The following NUDCD2 variants were observed in gnomAD, a reference collection of about 807,000 sequenced individuals.
The protein encoded by NUDCD2 is NudC domain containing 2.
Under a neutral mutation model 20.8 loss-of-function variants are expected in NUDCD2, and 16 were observed. That is an observed-to-expected ratio of 0.77 (90% CI 0.52 to 1.17). The LOEUF (loss-of-function observed/expected upper bound fraction) is 1.17. Ranked by LOEUF, NUDCD2 falls within the 50% of genes most tolerant of loss-of-function variation. The pLI is 0.00. For missense variants in NUDCD2, 199 were observed against 193.9 expected, an observed-to-expected ratio of 1.03 and a Z score of -0.16; for synonymous variants, 87 against 72.8, an observed-to-expected ratio of 1.20 and a Z score of -1.00.
rs1460211103 is a variant in NUDCD2 at position 163,447,442 on chromosome 5, C to T, written c.*6525G>A. 2 of 87,852 alleles carry T rather than the reference C, an allele frequency of 2.3e-5. No individual in the cohort carries two copies. Among genetic ancestry groups the T allele is most frequent in the South Asian group, 5.3e-4 (1 of 1,870 alleles). 5.4% of individuals were successfully genotyped at this position (87,852 alleles called of 1,614,324 possible). A position where few individuals can be genotyped will look rare whatever the true frequency, so the allele number is the denominator to read the frequency against. Reference sequence around the variant, plus strand: ...CTCCAGCCTGAGTGACAGGGTAAGACTCAAAAAAAAAAAAAAAAACATGAA... The same window carrying T: ...CTCCAGCCTGAGTGACAGGGTAAGATTCAAAAAAAAAAAAAAAAACATGAA... On this transcript the variant is annotated 3_prime_UTR_variant, in exon 4 of 4. Transcript: ENST00000302764.
intron 1 of NUDCD2, chr5:163,459,613 G>T: frequency 6.0e-6 from 2 of 333,470 alleles, no homozygotes; most frequent in Non-Finnish European, 1.1e-5. Flanking sequence ...GCTGAAGCCC[G>T]TCAGAGAAGC....
intron 1 of NUDCD2, 60 bp from the exon 2 acceptor site, chr5:163,457,670 T>G (rs536141433): frequency 9.2e-7 from 1 of 1,085,630 alleles, no homozygotes; most frequent in East Asian, 2.4e-5. Flanking sequence ...AAAGTTTTCA[T>G]GATTAAGATT....
rs1162021862 is a variant in NUDCD2, at chr5:163,459,927, C to G, written c.124G>C (p.Asp42His). The change falls in exon 1 of 4, where the codon GAT becomes CAT. Residue 42 changes from aspartate to histidine, a missense_variant. By Grantham distance (81) the Asp-to-His change is moderately conservative (BLOSUM62 -1). Coordinates refer to ENST00000302764, the MANE Select transcript of NUDCD2 (RefSeq NM_145266.6). ...VQVPPGTRAQ[D>H]IQCGLQSRHV... ...CGGCTCTGGAGGCCGCACTGGATAT[C>G]CTGGGCGCGCGTGCCTGGCGGCACC... The G allele has an allele frequency of 3.1e-6, 5 of 1,613,308 alleles. No individual in the cohort carries two copies. The highest frequency in any genetic ancestry group is 1.3e-5 in the African/African-American group (1 of 74,920).
Position 163,452,724 on chromosome 5 carries a change from ACTTCTATCACAT to A in NUDCD2, c.*1231_*1242del, listed in dbSNP as rs1758208151. On this transcript the variant is annotated 3_prime_UTR_variant, in exon 4 of 4. Coordinates refer to ENST00000302764, the MANE Select transcript of NUDCD2 (RefSeq NM_145266.6). ...AAATTATTAAACAATGACAGGATGC[ACTTCTATCACAT>A]TCCTGCCAAAGATGAATAACCTCAA... is the stretch of plus-strand genomic sequence containing the variant. 2 of 152,226 alleles carry A rather than the reference ACTTCTATCACAT, an allele frequency of 1.3e-5. No individual in the cohort carries two copies. The allele number at this position is 152,226 out of a possible 1,614,324, so 9.4% of individuals were successfully genotyped here.
At position 163,448,857 on chromosome 5, in the gene NUDCD2, A is replaced by T. The variant is rs1240540663; in HGVS notation, c.*5110T>A. 1.3e-5 allele frequency: 2 copies of T among 152,208 alleles called. No individual in the cohort carries two copies. Among genetic ancestry groups the T allele is most frequent in the African/African-American group, 2.4e-5 (1 of 41,444 alleles). 9.4% of individuals were successfully genotyped at this position (152,208 alleles called of 1,614,324 possible). A position where few individuals can be genotyped will look rare whatever the true frequency, so the allele number is the denominator to read the frequency against. On this transcript the variant is annotated 3_prime_UTR_variant, in exon 4 of 4. Coordinates refer to ENST00000302764, the MANE Select transcript of NUDCD2 (RefSeq NM_145266.6). ...CCATGATTTTAACAGTCTAAACAAA[A>T]AGAATGACCAAACTGATACAGAAAG...
Position 163,452,159 on chromosome 5 carries a change from G to C in NUDCD2, c.*1808C>G, listed in dbSNP as rs570113468. On this transcript the variant is annotated 3_prime_UTR_variant, in exon 4 of 4. Coordinates refer to ENST00000302764, the MANE Select transcript of NUDCD2 (RefSeq NM_145266.6). ...GAAAAAATGAAAATGAAGCCCATGGGATCAGAATTTATATGTGAATTCATG... is the reference window on the plus strand; with the variant it reads ...GAAAAAATGAAAATGAAGCCCATGGCATCAGAATTTATATGTGAATTCATG... 1.3e-5 allele frequency: 2 copies of C among 152,030 alleles called. No homozygotes were observed. Among genetic ancestry groups the C allele is most frequent in the Non-Finnish European group, 2.9e-5 (2 of 67,992 alleles). The allele number at this position is 152,030 out of a possible 1,614,324, so 9.4% of individuals were successfully genotyped here.
At chr5:163,456,814 C>G in intron 3 of NUDCD2, 115 bp downstream of exon 3, 1 of 836,566 alleles carries the variant, frequency 1.2e-6, no homozygotes, top group East Asian at 3.1e-5. Context: ...TTTAAAAATT[C>G]TTCTAGAAAA....
At chr5:163,456,867 A>G in intron 3 of NUDCD2, 62 bp downstream of exon 3, 2 of 1,131,438 alleles carry the variant, frequency 1.8e-6, no homozygotes, top group East Asian at 6.0e-5. Context: ...TTAATTTCAA[A>G]TATTTATTTG....
chr5:163,448,454 C>T lies in NUDCD2; in HGVS notation c.*5513G>A, dbSNP rs188378411. 2.2e-4 allele frequency: 33 copies of T among 152,180 alleles called. No individual in the cohort carries two copies. The highest frequency in any genetic ancestry group is 4.4e-5 in the Non-Finnish European group (3 of 67,984). The allele number at this position is 152,180 out of a possible 1,614,324, so 9.4% of individuals were successfully genotyped here. On this transcript the variant is annotated 3_prime_UTR_variant, in exon 4 of 4. Coordinates refer to ENST00000302764, the MANE Select transcript of NUDCD2 (RefSeq NM_145266.6). ...CACATAGGATTAGATGAACCAATTCCTTGAAAGGCATACAGTACCCAAACT... is the reference window on the plus strand; with the variant it reads ...CACATAGGATTAGATGAACCAATTCTTTGAAAGGCATACAGTACCCAAACT...
rs753333910 is a variant in NUDCD2 at position 163,459,977 on chromosome 5, A to T, written c.74T>A (p.Leu25Ter). 6.2e-7 allele frequency: 1 copy of T among 1,613,368 alleles called. No individual in the cohort carries two copies. The highest frequency in any genetic ancestry group is 1.3e-5 in the African/African-American group (1 of 74,832). ...CTGAACTTCAATGAACACCTCCTCC[A>T]AGGTCTGGTACCACTGGCCCCACGG... Reference protein sequence around the residue: ...GTPWGQWYQTLEEVFIEVQVP... With the variant: ...GTPWGQWYQT Residue 25 changes from leucine to a stop codon, truncating the protein, a stop_gained, in exon 1 of 4, where the codon TTG becomes TAG. Transcript: ENST00000302764. LOFTEE classifies it high-confidence loss of function.
At chr5:163,457,143 T>G in intron 2 of NUDCD2, 63 bp from the exon 3 acceptor site, 1 of 1,497,774 alleles carries the variant, frequency 6.7e-7, no homozygotes. Context: ...CAAGTTGTTT[T>G]TTTTTTTTTT....
rs1561631951 is a variant in NUDCD2, at chr5:163,460,009, G to A, written c.42C>T (p.Cys14=). The change falls in exon 1 of 4, where the codon TGC becomes TGT. Residue 14 remains cysteine (C), a synonymous_variant. Coordinates refer to ENST00000302764, the MANE Select transcript of NUDCD2 (RefSeq NM_145266.6). ...GGTACCACTGGCCCCACGGGGTCCC[G>A]CACGGTACCACCCCACTCCGCTCCT... ...PFEERSGVVP[C]GTPWGQWYQT... 2 of 1,611,770 alleles carry A rather than the reference G, an allele frequency of 1.2e-6. No homozygotes were observed. Among genetic ancestry groups the A allele is most frequent in the Admixed American group, 1.7e-5 (1 of 59,732 alleles).
At chr5:163,459,801 G>T (rs1025429630) in intron 1 of NUDCD2, 61 bp downstream of exon 1, 11 of 1,460,916 alleles carry the variant, frequency 7.5e-6, no homozygotes, top group African/African-American at 1.4e-5. Context: ...GTCGTTCAGG[G>T]AAACGGGGCT....
Position 163,456,976 on chromosome 5 carries a change from G to C in NUDCD2, c.343C>G (p.Gln115Glu), listed in dbSNP as rs752773367. 1.9e-6 allele frequency: 3 copies of C among 1,612,328 alleles called. No individual in the cohort carries two copies. The highest frequency in any genetic ancestry group is 2.5e-6 in the Non-Finnish European group (3 of 1,179,360). ...ESEYAADPWV[Q>E]DQMQRKLTLE... Reference sequence around the variant, plus strand: ...GTAAGCTTTCTCTGCATTTGGTCTTGCACCCAAGGATCCGCTGCATATTCA... The same window carrying C: ...GTAAGCTTTCTCTGCATTTGGTCTTCCACCCAAGGATCCGCTGCATATTCA... The change falls in exon 3 of 4, where the codon CAA becomes GAA. Residue 115 changes from glutamine (Q) to glutamate (E), a missense_variant. Gln to Glu is a conservative substitution (Grantham distance 29). Coordinates refer to ENST00000302764, the MANE Select transcript of NUDCD2 (RefSeq NM_145266.6).
rs1758108202 is a variant in NUDCD2, at chr5:163,448,910, G to C, written c.*5057C>G. The stretch of plus-strand genomic sequence containing the variant: ...CATAGAAAATTCAGCATCCACTCAT[G>C]AAACTCTGCTAACAACAAATTAATA... On this transcript the variant is annotated 3_prime_UTR_variant, in exon 4 of 4. Transcript: ENST00000302764. 6.6e-6 allele frequency: 1 copy of C among 152,150 alleles called. No homozygotes were observed. Among genetic ancestry groups the C allele is most frequent in the African/African-American group, 2.4e-5 (1 of 41,444 alleles). 9.4% of individuals were successfully genotyped at this position (152,150 alleles called of 1,614,324 possible).
chr5:163,454,401 G>A (rs1758250731), intron 3 of NUDCD2, among the ~76,000 whole-genome samples: 2 of 152,234 alleles, frequency 1.3e-5, no homozygotes, highest in South Asian at 2.1e-4. Flanking sequence ...GAGTGCAATG[G>A]TGCGACCTCA....
chr5:163,452,634 A>G lies in NUDCD2; in HGVS notation c.*1333T>C, dbSNP rs1466165033. ...ATAATTATAAAAATAACTACAGTGG[A>G]GAAGTCTGGCAGACACTACCTTAAT... On this transcript the variant is annotated 3_prime_UTR_variant, in exon 4 of 4. Coordinates refer to ENST00000302764, the MANE Select transcript of NUDCD2 (RefSeq NM_145266.6). The G allele has an allele frequency of 2.0e-5, 3 of 152,238 alleles. No homozygotes were observed. The highest frequency in any genetic ancestry group is 2.9e-5 in the Non-Finnish European group (2 of 68,048). The allele number at this position is 152,238 out of a possible 1,614,324, so 9.4% of individuals were successfully genotyped here.
rs759951896 is a variant in NUDCD2 at position 163,447,091 on chromosome 5, A to G, written c.*6876T>C. Reference sequence around the variant, plus strand: ...ATTGCCAAGGATAATTAGGGACATTATATAATGATAAAATTCACCAAGACA... The same window carrying G: ...ATTGCCAAGGATAATTAGGGACATTGTATAATGATAAAATTCACCAAGACA... On this transcript the variant is annotated 3_prime_UTR_variant, in exon 4 of 4. Coordinates refer to ENST00000302764, the MANE Select transcript of NUDCD2 (RefSeq NM_145266.6). The G allele has an allele frequency of 3.9e-5, 6 of 152,244 alleles. No individual in the cohort carries two copies. The highest frequency in any genetic ancestry group is 8.8e-5 in the Non-Finnish European group (6 of 68,046). The allele number at this position is 152,244 out of a possible 1,614,324, so 9.4% of individuals were successfully genotyped here. A position where few individuals can be genotyped will look rare whatever the true frequency, so the allele number is the denominator to read the frequency against.
In NUDCD2 at chr5:163,452,058, A is replaced by G. The variant is rs1021925244; in HGVS notation, c.*1909T>C. ...ACAAGAGTGAAACTCCACCTTAAAAAAAAAAAACCCCACAAATAATCAAAT... is the reference window on the plus strand; with the variant it reads ...ACAAGAGTGAAACTCCACCTTAAAAGAAAAAAACCCCACAAATAATCAAAT... On this transcript the variant is annotated 3_prime_UTR_variant, in exon 4 of 4. Transcript: ENST00000302764. 3 of 152,076 alleles carry G rather than the reference A, an allele frequency of 2.0e-5. No homozygotes were observed. Among genetic ancestry groups the G allele is most frequent in the African/African-American group, 7.2e-5 (3 of 41,406 alleles). 9.4% of individuals were successfully genotyped at this position (152,076 alleles called of 1,614,324 possible). A position where few individuals can be genotyped will look rare whatever the true frequency, so the allele number is the denominator to read the frequency against.
Sources: allele counts gnomAD v4.1 joint callset (sites outside exome capture counted in the v4.1 genomes callset), GRCh38; gene constraint gnomAD v4.1.1; transcripts MANE v1.5; gene names NCBI Gene and HGNC (gene_info 2026-07-23, HGNC 2026-07-21).